KCNN2: variants seen among roughly 807,000 people sequenced by gnomAD.
KCNN2 encodes the protein small conductance calcium-activated potassium channel protein 2.
KCNN2 carries 24 observed loss-of-function variants against 55.5 expected under a neutral mutation model. That is an observed-to-expected ratio of 0.43 (90% CI 0.31 to 0.61). KCNN2 has a LOEUF of 0.61. KCNN2 is among the 20% of genes least tolerant of loss of function. KCNN2 has a pLI of 0.08. For missense variants in KCNN2, 754 were observed against 853.6 expected (o/e 0.88, Z 1.45); for synonymous variants, 431 against 336.1 (o/e 1.28, Z -3.09).
At chr5:114,068,615 C>T (rs1443753808) in intron 1 of KCNN2, among the ~76,000 whole-genome samples, 2 of 152,198 alleles carry the variant, frequency 1.3e-5, no homozygotes, top group East Asian at 1.9e-4. Flanking sequence ...TGCACCTGCT[C>T]CTATCTCTGC....
intron 1 of KCNN2, among the ~76,000 whole-genome samples, chr5:114,140,362 T>G (rs1406211554): frequency 6.6e-6 from 1 of 152,198 alleles, no homozygotes; most frequent in Admixed American, 6.5e-5. Flanking sequence ...GCTGTGCTGC[T>G]TTGCCTTCTA....
At position 114,363,475 on chromosome 5, in the gene KCNN2, A is replaced by G. The variant is rs534259834; in HGVS notation, c.1122+214A>G. The stretch of plus-strand genomic sequence containing the variant: ...CGCGTGCAGCCAAAGTTCTCGAGGC[A>G]GTTAAGAGTGCTCAGCGCATTCGGG... On this transcript the variant is annotated intron_variant, in intron 1 of 7. Coordinates refer to ENST00000673685, the MANE Select transcript of KCNN2 (RefSeq NM_021614.4). Among the ~76,000 whole-genome samples the G allele has an allele frequency of 2.6e-5, 4 of 152,346 alleles. No individual in the cohort carries two copies. In the South Asian group the frequency reaches 6.2e-4, roughly 24 times the overall value.
chr5:114,481,034 T>C (rs755301939), intron 5 of KCNN2, among the ~76,000 whole-genome samples: 11 of 151,660 alleles, frequency 7.3e-5, no homozygotes, highest in Non-Finnish European at 1.3e-4. Flanking sequence ...AAAGAAAGAG[T>C]ATTCAAATAG....
chr5:114,296,233 A>G (rs962252914), intron 2 of KCNN2, among the ~76,000 whole-genome samples: 7 of 152,222 alleles, frequency 4.6e-5, no homozygotes, highest in African/African-American at 1.7e-4. Flanking sequence ...AACCTCTTAT[A>G]GCCTATCAGA....
chr5:114,389,876 A>G (rs934505848), intron 2 of KCNN2, among the ~76,000 whole-genome samples: 6 of 152,100 alleles, frequency 3.9e-5, no homozygotes, highest in Non-Finnish European at 8.8e-5. Flanking sequence ...TTTTTGCTTT[A>G]TAAATATTGA....
chr5:114,143,058 A>C (rs1752320650), intron 1 of KCNN2, among the ~76,000 whole-genome samples: 1 of 152,074 alleles, frequency 6.6e-6, no homozygotes, highest in African/African-American at 2.4e-5. Flanking sequence ...AGATAGTGAA[A>C]GCTGGGTCCA....
intron 3 of KCNN2, among the ~76,000 whole-genome samples, chr5:114,435,349 T>C (rs1759967471): frequency 1.3e-5 from 2 of 152,202 alleles, no homozygotes; most frequent in Non-Finnish European, 2.9e-5. Flanking sequence ...TCTTGTGACC[T>C]TAATTCTCTG....
rs1197687941 is a variant in KCNN2 at position 114,417,708 on chromosome 5, G to C, written c.1637+12852G>C. On this transcript the variant is annotated intron_variant, in intron 3 of 7. Coordinates refer to ENST00000673685, the MANE Select transcript of KCNN2 (RefSeq NM_021614.4). ...ACTGTTGTAGTCAGTAATCAGTGGT[G>C]TAGTTGCCTAAAACTTTTGTCTGGC... Among the ~76,000 whole-genome samples, 3 of 152,202 alleles carry C rather than the reference G, an allele frequency of 2.0e-5. No homozygotes were observed. The East Asian group carries it at 5.8e-4, about 29-fold the overall frequency.
intron 1 of KCNN2, among the ~76,000 whole-genome samples, chr5:114,153,240 C>A (rs936973408): frequency 1.3e-5 from 2 of 152,138 alleles, no homozygotes; most frequent in Admixed American, 6.6e-5. Context: ...GAGGGTGTAG[C>A]ATTTAGATGA....
intron 2 of KCNN2, among the ~76,000 whole-genome samples, chr5:114,339,127 A>T (rs1347128483): frequency 6.6e-6 from 1 of 152,204 alleles, no homozygotes; most frequent in East Asian, 1.9e-4. Context: ...CGTACATAAG[A>T]GGAATCATCA....
chr5:114,381,981 C>T (rs886867202), intron 2 of KCNN2, among the ~76,000 whole-genome samples: 2 of 152,048 alleles, frequency 1.3e-5, no homozygotes, highest in Admixed American at 1.3e-4. Flanking sequence ...TCTTTTTTAA[C>T]CTGGAATAAT....
At chr5:114,115,202 G>A (rs1254678489) in intron 1 of KCNN2, among the ~76,000 whole-genome samples, 1 of 152,042 alleles carries the variant, frequency 6.6e-6, no homozygotes, top group Non-Finnish European at 1.5e-5. Flanking sequence ...AAGCTTACAA[G>A]CAGCAAAATG....
At position 114,243,511 on chromosome 5, in the gene KCNN2, G is replaced by T. The variant is rs185460260; in HGVS notation, c.-185+21946G>T. ...GCGTATCCACACATCTATGCTACTG[G>T]CCCATTAATCACTTAGTAGCTCAGT... On this transcript the variant is annotated intron_variant, in intron 2 of 10. Transcript: ENST00000512097. Among the ~76,000 whole-genome samples, 336 of 152,180 alleles carry T rather than the reference G, an allele frequency of 2.2e-3. 2 individuals carry two copies. The highest frequency in any genetic ancestry group is 4.0e-3 in the Non-Finnish European group (271 of 68,000).
intron 3 of KCNN2, among the ~76,000 whole-genome samples, chr5:114,457,933 G>A (rs1470800364): frequency 1.3e-5 from 2 of 152,162 alleles, no homozygotes; most frequent in Non-Finnish European, 2.9e-5. Flanking sequence ...TATTTTATCT[G>A]CTTTTTTAGT....
At chr5:114,232,928 T>TTTTTTTTTTTTTTC (rs1554076027) in intron 2 of KCNN2, among the ~76,000 whole-genome samples, 1 of 75,868 alleles carries the variant, frequency 1.3e-5, no homozygotes, top group African/African-American at 4.2e-5. Flanking sequence ...GTTTCTTGTT[T>TTTTTTTTTTTTTTC]TTTTTTTTTT....
Position 114,278,938 on chromosome 5 carries a change from C to T in KCNN2, c.-185+57373C>T, listed in dbSNP as rs185927796. 7.9e-4 allele frequency among the ~76,000 whole-genome samples: 120 copies of T among 152,260 alleles called. 1 individual carries two copies. Among genetic ancestry groups the T allele is most frequent in the Admixed American group, 5.7e-3 (87 of 15,294 alleles). ...ACTCAGTTGGAAATGCAGAAATCACCGATCTTCTGCATCAATCTCCCTGGG... is the reference window on the plus strand; with the variant it reads ...ACTCAGTTGGAAATGCAGAAATCACTGATCTTCTGCATCAATCTCCCTGGG... On this transcript the variant is annotated intron_variant, in intron 2 of 10. Transcript: ENST00000512097.
At chr5:114,358,414 A>G (rs1757338453), upstream of KCNN2, among the ~76,000 whole-genome samples, 1 of 152,160 alleles carries the variant, frequency 6.6e-6, no homozygotes, top group Admixed American at 6.5e-5. Flanking sequence ...TTGAAATTCA[A>G]CAAACATGGG....
At chr5:114,079,595 G>T (rs1750759061) in intron 1 of KCNN2, among the ~76,000 whole-genome samples, 1 of 152,106 alleles carries the variant, frequency 6.6e-6, no homozygotes, top group South Asian at 2.1e-4. Flanking sequence ...GGTCATTCAG[G>T]AAGTGTTATT....
intron 2 of KCNN2, among the ~76,000 whole-genome samples, chr5:114,300,122 A>C (rs74976640): frequency 0.013 from 1,910 of 152,028 alleles, 37 homozygotes; most frequent in African/African-American, 0.045. Flanking sequence ...GAATTCTCTA[A>C]TATTTTATTT....
Sources: allele counts gnomAD v4.1 joint callset (sites outside exome capture counted in the v4.1 genomes callset), GRCh38; gene constraint gnomAD v4.1.1; transcripts MANE v1.5; gene names NCBI Gene and HGNC (gene_info 2026-07-23, HGNC 2026-07-21).